RBFOX1: variants seen among roughly 807,000 people sequenced by gnomAD.
RBFOX1 encodes the protein RNA binding protein fox-1 homolog 1.
RBFOX1 carries 8 observed loss-of-function variants against 57.7 expected under a neutral mutation model. The observed-to-expected ratio is 0.14, with a 90% CI of 0.08 to 0.25. The LOEUF (loss-of-function observed/expected upper bound fraction) is 0.25, where lower values mean the gene tolerates loss of function less well. Ranked by LOEUF, RBFOX1 falls within the 10% of genes least tolerant of loss-of-function variation. The pLI, the probability that RBFOX1 is intolerant of heterozygous loss-of-function variation, is 1.00. For missense variants in RBFOX1, 611 were observed against 548.5 expected, an observed-to-expected ratio of 1.11 and a Z score of -1.14; for synonymous variants, 326 against 222.4, an observed-to-expected ratio of 1.47 and a Z score of -4.15.
chr16:7,018,014 T>C (rs1286351488), intron 3 of RBFOX1, among the ~76,000 whole-genome samples: 1 of 152,076 alleles, frequency 6.6e-6, no homozygotes, highest in Non-Finnish European at 1.5e-5. Context: ...TTACAAAATA[T>C]CATTTAGGAG....
At chr16:7,612,047 C>T (rs761897872) in intron 10 of RBFOX1, among the ~76,000 whole-genome samples, 25 of 152,126 alleles carry the variant, frequency 1.6e-4, no homozygotes, top group Non-Finnish European at 3.2e-4. Context: ...ATTTGCCGGG[C>T]GCGGTGGCTC....
intron 3 of RBFOX1, among the ~76,000 whole-genome samples, chr16:6,884,280 C>G (rs1284582379): frequency 6.6e-6 from 1 of 152,114 alleles, no homozygotes; most frequent in Non-Finnish European, 1.5e-5. Context: ...TTTCCAAACT[C>G]TGGGTACTGT....
At chr16:6,524,103 A>G (rs980811070) in intron 2 of RBFOX1, among the ~76,000 whole-genome samples, 1 of 152,028 alleles carries the variant, frequency 6.6e-6, no homozygotes, top group Non-Finnish European at 1.5e-5. Context: ...TATTCATTCT[A>G]TTTCATGTAC....
At chr16:6,348,491 C>G (rs1052133170) in intron 2 of RBFOX1, among the ~76,000 whole-genome samples, 1 of 152,084 alleles carries the variant, frequency 6.6e-6, no homozygotes, top group Non-Finnish European at 1.5e-5. Flanking sequence ...TCAGCCTGTT[C>G]TTGCACTGCT....
intron 3 of RBFOX1, among the ~76,000 whole-genome samples, chr16:6,905,344 G>A (rs1410365998): frequency 6.6e-6 from 1 of 151,934 alleles, no homozygotes; most frequent in Admixed American, 6.6e-5. Flanking sequence ...CCCTGAGGTT[G>A]GGAGTTCGAG....
At chr16:6,502,151 C>G (rs1444862920) in intron 2 of RBFOX1, among the ~76,000 whole-genome samples, 3 of 152,198 alleles carry the variant, frequency 2.0e-5, no homozygotes, top group East Asian at 1.9e-4. Flanking sequence ...CAGGCATTGG[C>G]TTTAGCTAGT....
chr16:5,244,199 G>C (rs907977141), intron 1 of RBFOX1, among the ~76,000 whole-genome samples: 1 of 152,216 alleles, frequency 6.6e-6, no homozygotes, highest in African/African-American at 2.4e-5. Context: ...GCTGGGCTGG[G>C]CATAGCATTG....
chr16:7,710,181 T>A (rs964577188), intron 15 of RBFOX1: 20 of 1,023,326 alleles, frequency 2.0e-5, no homozygotes, highest in Non-Finnish European at 2.3e-5. Context: ...AGAGCCAAGT[T>A]AAGTAAGAAG....
intron 2 of RBFOX1, among the ~76,000 whole-genome samples, chr16:6,391,245 C>T (rs996856218): frequency 3.9e-5 from 6 of 152,174 alleles, no homozygotes; most frequent in South Asian, 4.1e-4. Context: ...CACGGTGGCT[C>T]ACGCCTGTAA....
At chr16:6,198,398 A>C (rs1369498366) in intron 1 of RBFOX1, among the ~76,000 whole-genome samples, 2 of 152,206 alleles carry the variant, frequency 1.3e-5, no homozygotes, top group Non-Finnish European at 2.9e-5. Flanking sequence ...TGTTTTGTCT[A>C]TGACTTTGTG....
At chr16:6,188,480 C>T (rs1001909472) in intron 1 of RBFOX1, among the ~76,000 whole-genome samples, 1 of 148,830 alleles carries the variant, frequency 6.7e-6, no homozygotes, top group Non-Finnish European at 1.5e-5. Context: ...GGCTGGCAAC[C>T]TTTCTCTGAT....
chr16:6,611,260 C>A (rs2098046885), intron 2 of RBFOX1, among the ~76,000 whole-genome samples: 1 of 152,170 alleles, frequency 6.6e-6, no homozygotes, highest in African/African-American at 2.4e-5. Context: ...AATTCTCCTG[C>A]CTCAGCCTCC....
At chr16:5,468,553 A>G (rs895298100) in intron 2 of RBFOX1, among the ~76,000 whole-genome samples, 14 of 152,204 alleles carry the variant, frequency 9.2e-5, no homozygotes, top group African/African-American at 3.1e-4. Flanking sequence ...ACTCCTACAT[A>G]TATACCCCAA....
At chr16:6,574,152 C>G (rs1340824799) in intron 2 of RBFOX1, among the ~76,000 whole-genome samples, 2 of 152,108 alleles carry the variant, frequency 1.3e-5, no homozygotes, top group Non-Finnish European at 2.9e-5. Context: ...CCATTCTGGC[C>G]TTGCGATATA....
At chr16:7,578,534 G>A (rs913644461) in intron 5 of RBFOX1, among the ~76,000 whole-genome samples, 8 of 152,166 alleles carry the variant, frequency 5.3e-5, no homozygotes, top group African/African-American at 1.7e-4. Context: ...TGTTATCTGA[G>A]TGTTTGTTTT....
chr16:7,313,425 TTC>T (rs1286685193), intron 4 of RBFOX1, among the ~76,000 whole-genome samples: 4 of 151,764 alleles, frequency 2.6e-5, no homozygotes, highest in African/African-American at 7.3e-5. Context: ...CCTGAAGACT[TTC>T]TTTTTTCCTT....
intron 1 of RBFOX1, among the ~76,000 whole-genome samples, chr16:6,219,607 G>A (rs2097358615): frequency 6.6e-6 from 1 of 152,086 alleles, no homozygotes; most frequent in South Asian, 2.1e-4. Context: ...GAGCGTGGTG[G>A]CTCATGCTTG....
rs538889540 is a variant in RBFOX1, at chr16:6,518,897, C to G, written c.-63-135706C>G. ...GTGCCCCGTTCTTCCCTGGAGCTAG[C>G]AAAAGCAGGGATAGCATTTGGTCAG... On this transcript the variant is annotated intron_variant, in intron 2 of 15. Transcript: ENST00000550418. Among the ~76,000 whole-genome samples the G allele has an allele frequency of 6.6e-5, 10 of 152,056 alleles. 1 individual carries two copies. The highest frequency in any genetic ancestry group is 4.8e-5 in the African/African-American group (2 of 41,470).
At chr16:6,806,705 T>C (rs1323860882) in intron 3 of RBFOX1, among the ~76,000 whole-genome samples, 1 of 150,662 alleles carries the variant, frequency 6.6e-6, no homozygotes, top group Admixed American at 6.7e-5. Context: ...TGATATTGTC[T>C]TACATGTATT....
Sources: allele counts gnomAD v4.1 joint callset (sites outside exome capture counted in the v4.1 genomes callset), GRCh38; gene constraint gnomAD v4.1.1; transcripts MANE v1.5; gene names NCBI Gene and HGNC (gene_info 2026-07-23, HGNC 2026-07-21).